Variants in HS6ST3 observed in about 807,000 individuals in gnomAD.
HS6ST3 encodes heparan sulfate 6-O-sulfotransferase 3.
Under a neutral mutation model 36.7 loss-of-function variants are expected in HS6ST3, and 12 were observed. The ratio of observed to expected loss-of-function variants is 0.33; its 90% CI spans 0.21 to 0.53. The LOEUF (loss-of-function observed/expected upper bound fraction) is 0.53. HS6ST3 is among the 20% of genes least tolerant of loss of function. HS6ST3 has a pLI of 0.95. For synonymous variants in HS6ST3, 240 were observed against 257.5 expected (o/e 0.93, Z 0.65); for missense variants, 584 against 640.9 (o/e 0.91, Z 0.96).
intron 1 of HS6ST3, among the ~76,000 whole-genome samples, chr13:96,577,366 A>T (rs1306499733): frequency 6.6e-6 from 1 of 152,198 alleles, no homozygotes; most frequent in African/African-American, 2.4e-5. Context: ...ATGGCTGCAT[A>T]GTATTCCATG....
chr13:96,518,728 A>G (rs2056082272), intron 1 of HS6ST3, among the ~76,000 whole-genome samples: 1 of 152,180 alleles, frequency 6.6e-6, no homozygotes, highest in Admixed American at 6.5e-5. Flanking sequence ...TAAGACAGGA[A>G]TAATTTAATT....
chr13:96,549,872 G>T (rs2056212787), intron 1 of HS6ST3, among the ~76,000 whole-genome samples: 1 of 151,938 alleles, frequency 6.6e-6, no homozygotes, highest in Non-Finnish European at 1.5e-5. Flanking sequence ...ACTCAATGGT[G>T]TCTGAAATAT....
At chr13:96,812,294 G>A (rs1459643758) in intron 1 of HS6ST3, among the ~76,000 whole-genome samples, 3 of 152,022 alleles carry the variant, frequency 2.0e-5, no homozygotes, top group South Asian at 2.1e-4. Context: ...AGCTTCTTGC[G>A]GTCCAATATT....
chr13:96,317,517 T>C (rs2054981917), intron 1 of HS6ST3, among the ~76,000 whole-genome samples: 1 of 150,994 alleles, frequency 6.6e-6, no homozygotes, highest in East Asian at 1.9e-4. Context: ...AGCATGGCAA[T>C]GAATGTGAGG....
chr13:96,832,538 G>C lies in HS6ST3; in HGVS notation c.756G>C (p.Leu252=). The change falls in exon 2 of 2, where the codon CTG becomes CTC. Residue 252 remains leucine, a synonymous_variant. Transcript: ENST00000376705. The part of the protein sequence containing the change: ...TMLRDPVSRY[L]SEWKHVQRGA... ...TACGGGATCCAGTGTCACGTTACCT[G>C]AGCGAGTGGAAACATGTCCAGAGAG... is the stretch of plus-strand genomic sequence containing the variant. 6.2e-7 allele frequency: 1 copy of C among 1,607,062 alleles called. No homozygotes were observed. Among genetic ancestry groups the C allele is most frequent in the Non-Finnish European group, 8.5e-7 (1 of 1,177,450 alleles).
At chr13:96,102,355 G>T (rs2053822216) in intron 1 of HS6ST3, among the ~76,000 whole-genome samples, 1 of 152,134 alleles carries the variant, frequency 6.6e-6, no homozygotes, top group African/African-American at 2.4e-5. Context: ...GGTGGTGGGG[G>T]CCTGTAGTCC....
At chr13:96,100,594 G>A (rs1424507253) in intron 1 of HS6ST3, among the ~76,000 whole-genome samples, 1 of 152,196 alleles carries the variant, frequency 6.6e-6, no homozygotes, top group African/African-American at 2.4e-5. Flanking sequence ...AACTTCTGGA[G>A]AGGAGGTGTT....
chr13:96,491,442 T>A (rs951304588), intron 1 of HS6ST3, among the ~76,000 whole-genome samples: 3 of 145,464 alleles, frequency 2.1e-5, no homozygotes, highest in East Asian at 2.0e-4. Flanking sequence ...ATAAAGTTAT[T>A]GGTAACTTTA....
chr13:96,332,746 C>A (rs2055078218), intron 1 of HS6ST3, among the ~76,000 whole-genome samples: 2 of 152,202 alleles, frequency 1.3e-5, no homozygotes, highest in South Asian at 2.1e-4. Flanking sequence ...AATATCTAAA[C>A]CATGAACTGA....
intron 1 of HS6ST3, among the ~76,000 whole-genome samples, chr13:96,803,230 C>A (rs1429605579): frequency 6.6e-6 from 1 of 152,184 alleles, no homozygotes; most frequent in Non-Finnish European, 1.5e-5. Flanking sequence ...TTCAAGTCCT[C>A]TTACCATCTA....
At chr13:96,278,591 T>C (rs911901258) in intron 1 of HS6ST3, among the ~76,000 whole-genome samples, 2 of 152,214 alleles carry the variant, frequency 1.3e-5, no homozygotes, top group Non-Finnish European at 2.9e-5. Context: ...TCTTGCACCA[T>C]ACTGTTTTAA....
chr13:96,202,645 C>T (rs1005146588), intron 1 of HS6ST3, among the ~76,000 whole-genome samples: 2 of 152,156 alleles, frequency 1.3e-5, no homozygotes, highest in Non-Finnish European at 2.9e-5. Flanking sequence ...GATTTATGTT[C>T]GTTTCTCTCC....
At chr13:96,538,793 A>C (rs1451447520) in intron 1 of HS6ST3, among the ~76,000 whole-genome samples, 1 of 152,250 alleles carries the variant, frequency 6.6e-6, no homozygotes, top group Non-Finnish European at 1.5e-5. Context: ...TAGAAAATTC[A>C]AGATAACCTG....
At chr13:96,180,054 C>G (rs1404372397) in intron 1 of HS6ST3, among the ~76,000 whole-genome samples, 1 of 152,130 alleles carries the variant, frequency 6.6e-6, no homozygotes, top group East Asian at 1.9e-4. Context: ...AGGCTGGTCT[C>G]AAACTCCTGA....
chr13:96,394,490 A>G (rs951760216), intron 1 of HS6ST3, among the ~76,000 whole-genome samples: 5 of 152,070 alleles, frequency 3.3e-5, no homozygotes, highest in African/African-American at 1.2e-4. Flanking sequence ...AGGCTCTTCA[A>G]TCTTTTGTAG....
At chr13:96,549,047 C>T (rs1046966980) in intron 1 of HS6ST3, among the ~76,000 whole-genome samples, 2 of 152,222 alleles carry the variant, frequency 1.3e-5, no homozygotes, top group African/African-American at 4.8e-5. Context: ...GTTCTTCAAC[C>T]TGAACCTCTC....
At chr13:96,517,030 C>A (rs1044511539) in intron 1 of HS6ST3, among the ~76,000 whole-genome samples, 1 of 152,164 alleles carries the variant, frequency 6.6e-6, no homozygotes, top group Non-Finnish European at 1.5e-5. Context: ...GGCAAGAGGC[C>A]TTGCTTAGAA....
chr13:96,806,155 A>G (rs1878194016), intron 1 of HS6ST3, among the ~76,000 whole-genome samples: 1 of 152,222 alleles, frequency 6.6e-6, no homozygotes, highest in Admixed American at 6.5e-5. Context: ...ATGTGGTGGA[A>G]ACTAACCAGG....
intron 1 of HS6ST3, among the ~76,000 whole-genome samples, chr13:96,577,080 A>T (rs945154521): frequency 2.0e-5 from 3 of 150,898 alleles, no homozygotes; most frequent in Non-Finnish European, 4.4e-5. Context: ...GGTTTGTTAC[A>T]TTGGTATACA....
Sources: gnomAD v4.1 joint callset for allele counts (sites outside exome capture counted in the v4.1 genomes callset) on GRCh38, gnomAD v4.1.1 for gene constraint, MANE v1.5 for transcripts, NCBI Gene and HGNC (gene_info 2026-07-23, HGNC 2026-07-21) for gene names.